PDSS2: variants seen among roughly 807,000 people sequenced by gnomAD.
PDSS2 encodes all trans-polyprenyl-diphosphate synthase PDSS2.
PDSS2 carries 31 observed loss-of-function variants against 44.5 expected under a neutral mutation model. That is an observed-to-expected ratio of 0.70 (90% confidence interval 0.52 to 0.94). The LOEUF is 0.94. Ranked by LOEUF, PDSS2 falls within the 40% of genes least tolerant of loss-of-function variation. PDSS2 has a pLI of 0.00. For synonymous variants in PDSS2, 157 were observed against 180.3 expected (o/e 0.87, Z 1.03); for missense variants, 452 against 482.2 (o/e 0.94, Z 0.59).
chr6:107,338,592 A>C (rs915609930), intron 1 of PDSS2, among the ~76,000 whole-genome samples: 1 of 152,208 alleles, frequency 6.6e-6, no homozygotes, highest in African/African-American at 2.4e-5. Flanking sequence ...AGCATGTAGA[A>C]GAAGCAACTA....
At chr6:107,399,002 A>G (rs969547298) in intron 1 of PDSS2, among the ~76,000 whole-genome samples, 4 of 152,194 alleles carry the variant, frequency 2.6e-5, no homozygotes, top group African/African-American at 9.6e-5. Flanking sequence ...ACTATCTACC[A>G]CATATTATCC....
At chr6:107,452,032 G>GT (rs1781883354) in intron 1 of PDSS2, among the ~76,000 whole-genome samples, 1 of 151,342 alleles carries the variant, frequency 6.6e-6, no homozygotes, top group Non-Finnish European at 1.5e-5. Context: ...CTTCTTTTTT[G>GT]TTTTTTAAGT....
At chr6:107,444,029 T>C (rs1013707448) in intron 1 of PDSS2, among the ~76,000 whole-genome samples, 1 of 152,076 alleles carries the variant, frequency 6.6e-6, no homozygotes, top group Non-Finnish European at 1.5e-5. Context: ...ACATAGCTAC[T>C]ATTATTTATT....
At chr6:107,197,716 G>GTCA (rs1772616606) in intron 6 of PDSS2, 1 of 405,352 alleles carries the variant, frequency 2.5e-6, no homozygotes, top group Non-Finnish European at 5.2e-6. Flanking sequence ...TGTTCCTGAG[G>GTCA]TCAAACAGCT....
intron 2 of PDSS2, among the ~76,000 whole-genome samples, chr6:107,291,553 G>GC (rs1416427814): frequency 4.0e-5 from 6 of 150,118 alleles, no homozygotes; most frequent in African/African-American, 1.5e-4. Context: ...AGTAGAGACG[G>GC]GGGGGTCTCA....
chr6:107,368,266 C>CAA (rs57434839), intron 1 of PDSS2, among the ~76,000 whole-genome samples: 47 of 67,412 alleles, frequency 7.0e-4, no homozygotes, highest in African/African-American at 1.4e-3. Context: ...AGACTCGTCT[C>CAA]AAAAAAAAAA....
chr6:107,242,413 G>A (rs1168803343), intron 4 of PDSS2, among the ~76,000 whole-genome samples: 4 of 151,918 alleles, frequency 2.6e-5, no homozygotes, highest in Non-Finnish European at 1.5e-5. Context: ...ACAGGCGCCC[G>A]CCACTGTGCC....
chr6:107,313,146 CAT>C (rs1777095299), intron 2 of PDSS2, among the ~76,000 whole-genome samples: 2 of 152,172 alleles, frequency 1.3e-5, no homozygotes, highest in Non-Finnish European at 2.9e-5. Flanking sequence ...GAAATATAAA[CAT>C]GTGCTTACAT....
intron 6 of PDSS2, among the ~76,000 whole-genome samples, chr6:107,206,772 C>A (rs978930571): frequency 2.6e-5 from 4 of 152,130 alleles, no homozygotes. Context: ...GCATGCAGCT[C>A]ATAAGGGCTG....
chr6:107,279,168 G>A (rs953471718), intron 2 of PDSS2, among the ~76,000 whole-genome samples: 2 of 151,562 alleles, frequency 1.3e-5, no homozygotes, highest in Admixed American at 6.6e-5. Flanking sequence ...GCAGTGAGCC[G>A]AGATCACACC....
At chr6:107,425,272 G>A (rs995479876) in intron 1 of PDSS2, among the ~76,000 whole-genome samples, 1 of 152,226 alleles carries the variant, frequency 6.6e-6, no homozygotes, top group African/African-American at 2.4e-5. Context: ...AAATGTGAAA[G>A]TAACTTTGGA....
chr6:107,225,997 T>C (rs557353082), intron 4 of PDSS2, among the ~76,000 whole-genome samples: 1 of 152,262 alleles, frequency 6.6e-6, no homozygotes, highest in East Asian at 1.9e-4. Context: ...AGCCAAACAA[T>C]TGGATAACCG....
At chr6:107,223,255 C>G (rs998164738) in intron 4 of PDSS2, among the ~76,000 whole-genome samples, 4 of 150,850 alleles carry the variant, frequency 2.7e-5, no homozygotes, top group African/African-American at 9.9e-5. Context: ...ATTGGCCAGG[C>G]ATGGTGGCTC....
At chr6:107,353,561 G>A (rs1436572081) in intron 1 of PDSS2, among the ~76,000 whole-genome samples, 1 of 151,980 alleles carries the variant, frequency 6.6e-6, no homozygotes, top group African/African-American at 2.4e-5. Context: ...CAGATCTCAT[G>A]TAATTATATG....
chr6:107,451,226 T>A (rs1388151786), intron 1 of PDSS2, among the ~76,000 whole-genome samples: 1 of 152,238 alleles, frequency 6.6e-6, no homozygotes, highest in Non-Finnish European at 1.5e-5. Context: ...ATCTAGTTTA[T>A]CTGCATCGTT....
intron 1 of PDSS2, among the ~76,000 whole-genome samples, chr6:107,425,170 C>T (rs1259562777): frequency 6.6e-6 from 1 of 152,096 alleles, no homozygotes; most frequent in African/African-American, 2.4e-5. Context: ...TCTTTTTCTT[C>T]CCAGTCTTGG....
intron 1 of PDSS2, among the ~76,000 whole-genome samples, chr6:107,343,719 G>A (rs1055409253): frequency 6.6e-6 from 1 of 152,142 alleles, no homozygotes; most frequent in South Asian, 2.1e-4. Context: ...TGAGGCCAAG[G>A]ACAAAAACTA....
chr6:107,275,619 TA>T (rs1775753763), intron 2 of PDSS2, among the ~76,000 whole-genome samples: 3 of 152,222 alleles, frequency 2.0e-5, no homozygotes, highest in Admixed American at 2.0e-4. Flanking sequence ...CACAGAATGG[TA>T]AGTTGTTTCA....
At chr6:107,225,151 A>ATATATTTT (rs1198735339) in intron 4 of PDSS2, among the ~76,000 whole-genome samples, 1 of 51,432 alleles carries the variant, frequency 1.9e-5, no homozygotes, top group East Asian at 3.7e-4. Flanking sequence ...ATATATATAT[A>ATATATTTT]TATATATATA....
Sources: allele counts gnomAD v4.1 joint callset (sites outside exome capture counted in the v4.1 genomes callset), GRCh38; gene constraint gnomAD v4.1.1; transcripts MANE v1.5; gene names NCBI Gene and HGNC (gene_info 2026-07-23, HGNC 2026-07-21).